Variants in KANSL1 observed in about 807,000 individuals in gnomAD.
KANSL1 encodes KAT8 regulatory NSL complex subunit 1, also known as MLL1/MLL complex subunit KANSL1.
A neutral mutation model predicts 103.6 loss-of-function variants in KANSL1; 22 were observed. The ratio of observed to expected loss-of-function variants is 0.21; its 90% CI spans 0.15 to 0.30. The LOEUF is 0.30. Among genes scored for constraint, KANSL1 ranks in the 10% least tolerant of loss-of-function variants. KANSL1 has a pLI of 1.00. For missense variants in KANSL1, 1,337 were observed against 1,399.8 expected (o/e 0.96, Z 0.72); for synonymous variants, 600 against 527.6 (o/e 1.14, Z -1.88).
chr17:46,155,748 A>G (rs1480756266), intron 2 of KANSL1, among the ~76,000 whole-genome samples: 3 of 152,118 alleles, frequency 2.0e-5, no homozygotes, highest in Non-Finnish European at 4.4e-5. Flanking sequence ...TAGTTCCTAC[A>G]GTCTATTAAA....
intron 1 of KANSL1, among the ~76,000 whole-genome samples, chr17:46,213,691 G>T (rs574801264): frequency 6.6e-6 from 1 of 151,838 alleles, no homozygotes; most frequent in Non-Finnish European, 1.5e-5. Context: ...GCCGAGGTGG[G>T]TGGATCACCT....
intron 2 of KANSL1, among the ~76,000 whole-genome samples, chr17:46,101,696 G>C (rs1402826993): frequency 3.0e-5 from 4 of 134,138 alleles, no homozygotes; most frequent in Non-Finnish European, 4.6e-5. Context: ...AGAGGTTACA[G>C]TGAGTCGAGA....
chr17:46,105,286 T>C (rs2042482784), intron 2 of KANSL1, among the ~76,000 whole-genome samples: 3 of 152,244 alleles, frequency 2.0e-5, no homozygotes, highest in Middle Eastern at 3.2e-3. Flanking sequence ...GGTTAGAATG[T>C]TCAAATTCTG....
chr17:46,170,572 T>A (rs1337111944), intron 2 of KANSL1: 1 of 460,250 alleles, frequency 2.2e-6, no homozygotes, highest in African/African-American at 2.0e-5. Context: ...CTTAAAGAGG[T>A]ACTAGTACAA....
intron 1 of KANSL1, among the ~76,000 whole-genome samples, chr17:46,178,360 C>T (rs1352265685): frequency 6.6e-6 from 1 of 152,220 alleles, no homozygotes; most frequent in Admixed American, 6.5e-5. Context: ...ATCCTCATAA[C>T]AACCTGGGCA....
At chr17:46,040,929 A>G (rs995794738) in intron 7 of KANSL1, 27 of 152,250 alleles carry the variant, frequency 1.8e-4, no homozygotes, top group African/African-American at 6.0e-4. Context: ...AGAAGTTGGA[A>G]GAGTTTGCAG....
intron 2 of KANSL1, among the ~76,000 whole-genome samples, chr17:46,156,387 G>C (rs922432223): frequency 1.3e-5 from 2 of 152,090 alleles, no homozygotes; most frequent in African/African-American, 4.8e-5. Flanking sequence ...CATCCAGAAA[G>C]TCAGTATCTG....
chr17:46,131,282 A>C (rs2043849840), intron 2 of KANSL1, among the ~76,000 whole-genome samples: 1 of 152,278 alleles, frequency 6.6e-6, no homozygotes, highest in South Asian at 2.1e-4. Context: ...TAGCATTTTA[A>C]GGCATGGTAT....
intron 4 of KANSL1, among the ~76,000 whole-genome samples, chr17:46,070,371 C>G (rs2078531310): frequency 6.6e-6 from 1 of 152,016 alleles, no homozygotes; most frequent in South Asian, 2.1e-4. Context: ...CAGATAACAA[C>G]AAGACAAAGA....
intron 1 of KANSL1, among the ~76,000 whole-genome samples, chr17:46,211,309 T>C (rs972556988): frequency 6.6e-6 from 1 of 151,392 alleles, no homozygotes; most frequent in African/African-American, 2.4e-5. Context: ...CCCAATCGTT[T>C]GGCTTCCCTG....
At chr17:46,143,166 G>A (rs1427733201) in intron 2 of KANSL1, among the ~76,000 whole-genome samples, 1 of 152,204 alleles carries the variant, frequency 6.6e-6, no homozygotes, top group African/African-American at 2.4e-5. Context: ...ACCTCCCAGT[G>A]AAATAAAGGG....
intron 6 of KANSL1, among the ~76,000 whole-genome samples, 167 bp from the exon 7 acceptor site, chr17:46,050,871 A>G (rs2077688556): frequency 6.6e-6 from 1 of 152,212 alleles, no homozygotes; most frequent in African/African-American, 2.4e-5. Context: ...TTAGTTTGTT[A>G]AAAGATTTCC....
chr17:46,147,623 G>A (rs1377480976), intron 2 of KANSL1, among the ~76,000 whole-genome samples: 1 of 147,300 alleles, frequency 6.8e-6, no homozygotes, highest in Admixed American at 6.8e-5. Context: ...GAGGCAGAGA[G>A]AGAGAGAAAG....
intron 11 of KANSL1, 66 bp from the exon 12 acceptor site, chr17:46,033,526 T>C: frequency 2.3e-6 from 3 of 1,323,110 alleles, no homozygotes; most frequent in Admixed American, 3.4e-5. Flanking sequence ...AGGGTCAAAG[T>C]GTCCATGCAA....
chr17:46,038,441 G>A (rs1287187902), intron 10 of KANSL1, 97 bp downstream of exon 10: 3 of 1,326,774 alleles, frequency 2.3e-6, no homozygotes, highest in Non-Finnish European at 3.1e-6. Flanking sequence ...TAAATGCCCT[G>A]GGCTTTATAA....
chr17:46,138,609 C>A (rs1425101412), intron 2 of KANSL1, among the ~76,000 whole-genome samples: 1 of 152,234 alleles, frequency 6.6e-6, no homozygotes, highest in Non-Finnish European at 1.5e-5. Flanking sequence ...CAAAACACCT[C>A]TGGTCCCAAA....
At chr17:46,098,704 A>C (rs983757261) in intron 2 of KANSL1, among the ~76,000 whole-genome samples, 6 of 152,262 alleles carry the variant, frequency 3.9e-5, no homozygotes, top group African/African-American at 1.4e-4. Flanking sequence ...AACAAGTTTC[A>C]TTTTACAAGT....
intron 1 of KANSL1, among the ~76,000 whole-genome samples, chr17:46,188,176 T>A (rs2047120093): frequency 1.3e-5 from 2 of 152,226 alleles, no homozygotes; most frequent in Non-Finnish European, 2.9e-5. Context: ...CCCAAGGATA[T>A]CACTTACCTC....
At chr17:46,062,743 T>G (rs898240498) in intron 6 of KANSL1, among the ~76,000 whole-genome samples, 1 of 152,022 alleles carries the variant, frequency 6.6e-6, no homozygotes, top group Non-Finnish European at 1.5e-5. Context: ...ACTAAGCTGA[T>G]AGCCCTTTAA....
Sources: allele counts gnomAD v4.1 joint callset (sites outside exome capture counted in the v4.1 genomes callset), GRCh38; gene constraint gnomAD v4.1.1; transcripts MANE v1.5; gene names NCBI Gene and HGNC (gene_info 2026-07-23, HGNC 2026-07-21).